Variants in MLLT3 observed in about 807,000 individuals in gnomAD.
MLLT3 encodes MLLT3 super elongation complex subunit, also known as protein AF-9.
Under a neutral mutation model 53.2 loss-of-function variants are expected in MLLT3, and 4 were observed. That is an observed-to-expected ratio of 0.08 (90% confidence interval 0.04 to 0.17). MLLT3 has a LOEUF of 0.17. MLLT3 is among the 10% of genes least tolerant of loss of function. MLLT3 has a pLI of 1.00. For synonymous variants in MLLT3, 283 were observed against 230.6 expected, an observed-to-expected ratio of 1.23 and a Z score of -2.06; for missense variants, 569 against 684.0, an observed-to-expected ratio of 0.83 and a Z score of 1.87.
intron 2 of MLLT3, among the ~76,000 whole-genome samples, chr9:20,473,924 C>A (rs1392882475): frequency 6.6e-6 from 1 of 152,120 alleles, no homozygotes; most frequent in Non-Finnish European, 1.5e-5. Context: ...TTCTACCACA[C>A]TCTTGCTTCA....
chr9:20,576,284 A>G (rs1191447916), intron 2 of MLLT3, among the ~76,000 whole-genome samples: 2 of 152,158 alleles, frequency 1.3e-5, no homozygotes, highest in African/African-American at 4.8e-5. Context: ...AGACCACTAA[A>G]ACTTTCTCCA....
intron 2 of MLLT3, among the ~76,000 whole-genome samples, chr9:20,509,169 C>T (rs1354632952): frequency 6.6e-6 from 1 of 152,190 alleles, no homozygotes; most frequent in African/African-American, 2.4e-5. Flanking sequence ...GTGGGTTCTT[C>T]AAACTCTCTC....
In MLLT3 at chr9:20,620,846, G is replaced by A; in HGVS notation, c.13-12C>T. The A allele has an allele frequency of 5.0e-6, 8 of 1,614,002 alleles. No individual in the cohort carries two copies. Among genetic ancestry groups the A allele is most frequent in the Non-Finnish European group, 6.8e-6 (8 of 1,179,968 alleles). On this transcript the variant is annotated splice_polypyrimidine_tract_variant and intron_variant, in intron 1 of 10. Coordinates refer to ENST00000380338, the MANE Select transcript of MLLT3 (RefSeq NM_004529.4). The surrounding 1 kb of genome is among the most constrained non-coding windows in gnomAD (Gnocchi z 6.1). ...ACCTGCACGGCACACTGCGGGCAGG[G>A]GGAGGAGAGACAGCCGTGAATAACA...
intron 2 of MLLT3, among the ~76,000 whole-genome samples, chr9:20,467,816 T>C (rs576142144): frequency 6.6e-6 from 1 of 152,342 alleles, no homozygotes; most frequent in Non-Finnish European, 1.5e-5. Flanking sequence ...AAATTATGAC[T>C]GTACCTCAAA....
chr9:20,539,994 A>G (rs943735357), intron 2 of MLLT3, among the ~76,000 whole-genome samples: 2 of 152,238 alleles, frequency 1.3e-5, no homozygotes, highest in African/African-American at 2.4e-5. Flanking sequence ...AAAAGTGCCC[A>G]AAACAAAGAG....
intron 2 of MLLT3, among the ~76,000 whole-genome samples, chr9:20,475,294 C>T (rs1219166620): frequency 6.6e-6 from 1 of 152,084 alleles, no homozygotes; most frequent in African/African-American, 2.4e-5. Context: ...GGTAGCCAAA[C>T]AGGTATCTCT....
intron 2 of MLLT3, among the ~76,000 whole-genome samples, chr9:20,570,918 T>C (rs1459680453): frequency 4.6e-5 from 7 of 152,204 alleles, no homozygotes; most frequent in Non-Finnish European, 8.8e-5. Context: ...GAAAAAGCCA[T>C]AGCCTGAAGA....
At chr9:20,483,464 C>A (rs1824720498) in intron 2 of MLLT3, among the ~76,000 whole-genome samples, 1 of 151,512 alleles carries the variant, frequency 6.6e-6, no homozygotes, top group Non-Finnish European at 1.5e-5. Flanking sequence ...AACTCCTGGG[C>A]TCAAGAGATC....
chr9:20,553,735 G>A (rs949343863), intron 2 of MLLT3, among the ~76,000 whole-genome samples: 1 of 151,962 alleles, frequency 6.6e-6, no homozygotes, highest in Non-Finnish European at 1.5e-5. Context: ...TACAGATCTA[G>A]AAGACAGGAA....
chr9:20,589,874 C>A (rs923474165), intron 2 of MLLT3, among the ~76,000 whole-genome samples: 1 of 151,910 alleles, frequency 6.6e-6, no homozygotes, highest in Admixed American at 6.6e-5. Context: ...CTGTGCCCAG[C>A]TAATTTTTGT....
intron 2 of MLLT3, among the ~76,000 whole-genome samples, chr9:20,517,774 T>C (rs1817953140): frequency 6.6e-6 from 1 of 151,358 alleles, no homozygotes; most frequent in African/African-American, 2.4e-5. Flanking sequence ...AAGACGGAGG[T>C]TGCAGTGAAG....
intron 2 of MLLT3, among the ~76,000 whole-genome samples, chr9:20,547,377 C>T (rs1421486568): frequency 6.6e-6 from 1 of 151,930 alleles, no homozygotes; most frequent in East Asian, 2.0e-4. Context: ...GGCATGGTGG[C>T]TCACGCCTGT....
intron 2 of MLLT3, among the ~76,000 whole-genome samples, chr9:20,581,055 T>C (rs541484538): frequency 5.9e-5 from 9 of 152,362 alleles, no homozygotes; most frequent in Non-Finnish European, 1.0e-4. Flanking sequence ...CCCGTTTATT[T>C]TGGTGCTTCT....
At chr9:20,612,546 A>G (rs529795392) in intron 2 of MLLT3, among the ~76,000 whole-genome samples, 14 of 152,296 alleles carry the variant, frequency 9.2e-5, no homozygotes, top group Non-Finnish European at 1.9e-4. Context: ...AAGATAAAAG[A>G]AAAAAATGAG....
intron 2 of MLLT3, among the ~76,000 whole-genome samples, chr9:20,575,135 C>T (rs940860265): frequency 1.1e-4 from 16 of 152,308 alleles, no homozygotes; most frequent in South Asian, 1.0e-3. Flanking sequence ...ACTTCCTCCA[C>T]GGAAGTCTTC....
At chr9:20,381,351 T>A (rs1586906162) in intron 5 of MLLT3, among the ~76,000 whole-genome samples, 1 of 152,060 alleles carries the variant, frequency 6.6e-6, no homozygotes, top group East Asian at 1.9e-4. Flanking sequence ...GAAAATTTAT[T>A]TCTGCTGAAG....
intron 2 of MLLT3, among the ~76,000 whole-genome samples, chr9:20,577,794 G>T (rs901526926): frequency 7.9e-5 from 12 of 152,206 alleles, no homozygotes; most frequent in African/African-American, 2.7e-4. Flanking sequence ...CATTTTGCCA[G>T]CTAGGCTTTA....
intron 2 of MLLT3, among the ~76,000 whole-genome samples, chr9:20,526,960 T>C (rs1208920760): frequency 1.3e-5 from 2 of 152,212 alleles, no homozygotes; most frequent in African/African-American, 4.8e-5. Context: ...AAGTCTTTCA[T>C]TCACTTTTTC....
chr9:20,405,662 T>C (rs1822560259), intron 5 of MLLT3, among the ~76,000 whole-genome samples: 2 of 152,202 alleles, frequency 1.3e-5, no homozygotes, highest in Admixed American at 1.3e-4. Context: ...TAGAGTTCAA[T>C]AAGGTTTCTT....
Sources: allele counts gnomAD v4.1 joint callset (sites outside exome capture counted in the v4.1 genomes callset), GRCh38; gene constraint gnomAD v4.1.1; non-coding constraint Gnocchi (gnomAD v3.1); transcripts MANE v1.5; gene names NCBI Gene and HGNC (gene_info 2026-07-23, HGNC 2026-07-21).